The following COL6A5 variants were observed in gnomAD, a reference collection of about 807,000 sequenced individuals.
COL6A5 encodes the protein collagen type VI alpha 5 chain, also known as collagen alpha-5(VI) chain.
A neutral mutation model predicts 65.6 loss-of-function variants in COL6A5; 48 were observed. That is an observed-to-expected ratio of 0.73 (90% CI 0.58 to 0.93). The LOEUF (loss-of-function observed/expected upper bound fraction) is 0.93. Among genes scored for constraint, COL6A5 ranks in the 40% least tolerant of loss-of-function variants. The probability of loss-of-function intolerance (pLI) is 0.00; values close to 1 mark genes in which losing one functional copy is unlikely to be tolerated. For synonymous variants in COL6A5, 291 were observed against 322.8 expected (o/e 0.90, Z 1.05); for missense variants, 914 against 928.3 (o/e 0.98, Z 0.20).
chr3:130,395,415 A>T (rs1936562098), exon 8 of COL6A5: 1 of 1,545,726 alleles, frequency 6.5e-7, no homozygotes, highest in Non-Finnish European at 8.7e-7. Flanking sequence ...AAGAATGTGG[A>T]TGTGAAAAAA....
exon 9 of COL6A5, chr3:130,397,768 A>G (rs1332583842): frequency 1.7e-5 from 26 of 1,551,718 alleles, no homozygotes; most frequent in Non-Finnish European, 2.1e-5. Context: ...TAAGGTGAAC[A>G]GTGACCAAGG....
chr3:130,393,311 T>C (rs1253475302), intron 7 of COL6A5, among the ~76,000 whole-genome samples: 1 of 152,032 alleles, frequency 6.6e-6, no homozygotes, highest in Non-Finnish European at 1.5e-5. Context: ...ACGTCTCACT[T>C]TTCTGTCAAA....
At position 130,405,295 on chromosome 3, in the gene COL6A5, G is replaced by A. The variant is rs574467640; in HGVS notation, c.4282-293G>A. Among the ~76,000 whole-genome samples, 13 of 152,290 alleles carry A rather than the reference G, an allele frequency of 8.5e-5. No individual in the cohort carries two copies. In the South Asian group the frequency reaches 2.5e-3, roughly 29 times the overall value. On this transcript the variant is annotated intron_variant and NMD_transcript_variant, in intron 13 of 41. Transcript: ENST00000312481. ...GAGTCTTGGAATGTGGCTACAAAGTGAAGCCACTGTGCTGTTTGATCAGGT... is the reference window on the plus strand; with the variant it reads ...GAGTCTTGGAATGTGGCTACAAAGTAAAGCCACTGTGCTGTTTGATCAGGT...
chr3:130,414,947 C>T (rs1242421122), intron 22 of COL6A5, among the ~76,000 whole-genome samples: 1 of 152,024 alleles, frequency 6.6e-6, no homozygotes, highest in Non-Finnish European at 1.5e-5. Flanking sequence ...AGGGATGGGA[C>T]CAGCCTAGAT....
intron 4 of COL6A5, among the ~76,000 whole-genome samples, chr3:130,451,894 CA>C: frequency 6.6e-6 from 1 of 152,088 alleles, no homozygotes. Context: ...ATTAGGACAG[CA>C]GGTACCAAGG....
In COL6A5 at chr3:130,440,799, T is replaced by G; in HGVS notation, c.1217T>G (p.Leu406Ter). ...GATCTGAATTATATTGCGAAGTTCT[T>G]AAAGCCATTTTTATACTCGGTCAGG... The change falls in exon 3 of 8, where the codon TTA becomes TGA. Residue 406 changes from leucine (L) to a stop codon, truncating the protein, a stop_gained. Coordinates refer to ENST00000512836, the Ensembl canonical transcript of COL6A5. LOFTEE classifies it high-confidence loss of function. 1 of 1,612,144 alleles carries G rather than the reference T, an allele frequency of 6.2e-7. No homozygotes were observed. The highest frequency in any genetic ancestry group is 8.5e-7 in the Non-Finnish European group (1 of 1,178,990).
At chr3:130,382,570 C>T in intron 4 of COL6A5, among the ~76,000 whole-genome samples, 1 of 152,120 alleles carries the variant, frequency 6.6e-6, no homozygotes, top group Non-Finnish European at 1.5e-5. Context: ...AGGGCCTGGG[C>T]CCATGCATTT....
In COL6A5 at chr3:130,405,595, G is replaced by T. The variant is rs762054573; in HGVS notation, c.4289G>T (p.Arg1430Leu). The change falls in exon 14 of 42, where the codon CGA (arginine) becomes CTA (leucine). Residue 1430 changes from arginine (R) to leucine (L), a missense_variant and NMD_transcript_variant. Coordinates refer to the COL6A5 transcript ENST00000312481. ...CTGTGCTCCTTTTCTTAGGGAGTAC[G>T]AGGAGACACAGGACCCCAAGGAGAC... 10 of 1,550,602 alleles carry T rather than the reference G, an allele frequency of 6.4e-6. No individual in the cohort carries two copies. Among genetic ancestry groups the T allele is most frequent in the Non-Finnish European group, 8.7e-6 (10 of 1,146,210 alleles).
intron 7 of COL6A5, among the ~76,000 whole-genome samples, chr3:130,482,404 A>G (rs1189645364): frequency 6.6e-6 from 1 of 152,212 alleles, no homozygotes; most frequent in African/African-American, 2.4e-5. Context: ...ATTGGTCTAT[A>G]TATCTGTGTT....
At chr3:130,376,487 G>A (rs761462599) in exon 3 of COL6A5, 12 of 1,606,930 alleles carry the variant, frequency 7.5e-6, no homozygotes, top group Admixed American at 1.7e-5. Context: ...TCATTGGCGG[G>A]TCCCTGCAGA....
exon 3 of COL6A5, chr3:130,376,390 A>G (rs533830177): frequency 6.2e-7 from 1 of 1,613,642 alleles, no homozygotes; most frequent in Admixed American, 1.7e-5. Flanking sequence ...CTGGCCCAGT[A>G]CAGCGACGAG....
chr3:130,449,122 C>T (rs937067689), intron 4 of COL6A5, among the ~76,000 whole-genome samples: 5 of 152,154 alleles, frequency 3.3e-5, no homozygotes, highest in African/African-American at 7.2e-5. Flanking sequence ...GTTAAAGCCT[C>T]CAGTTTTTCT....
At chr3:130,403,192 T>C (rs1936871565) in intron 12 of COL6A5, among the ~76,000 whole-genome samples, 1 of 152,178 alleles carries the variant, frequency 6.6e-6, no homozygotes, top group Non-Finnish European at 1.5e-5. Context: ...TGCAATCTTG[T>C]TGTTGGAAGT....
intron 4 of COL6A5, among the ~76,000 whole-genome samples, chr3:130,381,978 T>G (rs1331833599): frequency 6.6e-6 from 1 of 152,076 alleles, no homozygotes; most frequent in Non-Finnish European, 1.5e-5. Context: ...TTTAAAATGT[T>G]GGTACCTGAC....
intron 7 of COL6A5, among the ~76,000 whole-genome samples, chr3:130,481,414 A>G (rs1475726516): frequency 2.0e-5 from 3 of 152,122 alleles, no homozygotes; most frequent in African/African-American, 4.8e-5. Flanking sequence ...CATGGTGTAT[A>G]TGTGCCACAT....
At chr3:130,360,158 T>C (rs1935059903) in intron 1 of COL6A5, among the ~76,000 whole-genome samples, 1 of 152,094 alleles carries the variant, frequency 6.6e-6, no homozygotes, top group South Asian at 2.1e-4. Context: ...ATCTCCAAAT[T>C]ACATGCTCTT....
chr3:130,402,026 A>C (rs555963101), intron 12 of COL6A5, among the ~76,000 whole-genome samples, 172 bp downstream of exon 12: 66 of 152,318 alleles, frequency 4.3e-4, no homozygotes, highest in African/African-American at 1.5e-3. Flanking sequence ...CACTTTTGAT[A>C]CTGCTAGCAA....
In COL6A5 at chr3:130,484,348, G is replaced by A. The variant is rs1412435420; in HGVS notation, c.*307G>A. On this transcript the variant is annotated 3_prime_UTR_variant, in exon 8 of 8. Transcript: ENST00000512836. Reference sequence around the variant, plus strand: ...TTCTTTGAAAGCTCTGCACAGTTCAGGCATCAATTTTGATGATGTATCTGC... The same window carrying A: ...TTCTTTGAAAGCTCTGCACAGTTCAAGCATCAATTTTGATGATGTATCTGC... 5 of 408,952 alleles carry A rather than the reference G, an allele frequency of 1.2e-5. No homozygotes were observed. The Admixed American group carries it at 1.7e-4, about 14-fold the overall frequency. The allele number at this position is 408,952 out of a possible 1,614,324, so 25.3% of individuals were successfully genotyped here.
chr3:130,414,129 C>A (rs746024647), exon 22 of COL6A5: 6 of 1,548,602 alleles, frequency 3.9e-6, no homozygotes, highest in Middle Eastern at 1.7e-4. Flanking sequence ...ACAAGGCCCA[C>A]AGGTGTGTTG....
Sources: allele counts gnomAD v4.1 joint callset (sites outside exome capture counted in the v4.1 genomes callset), GRCh38; gene constraint gnomAD v4.1.1; transcripts MANE v1.5; gene names NCBI Gene and HGNC (gene_info 2026-07-23, HGNC 2026-07-21).